SORCS2: variants seen among roughly 807,000 people sequenced by gnomAD.
SORCS2 encodes the protein sortilin related VPS10 domain containing receptor 2.
Under a neutral mutation model 141.6 loss-of-function variants are expected in SORCS2, and 100 were observed. That is an observed-to-expected ratio of 0.71 (90% CI 0.60 to 0.83). The LOEUF (loss-of-function observed/expected upper bound fraction) is 0.83, where lower values mean the gene tolerates loss of function less well. Among genes scored for constraint, SORCS2 ranks in the 40% least tolerant of loss-of-function variants. The pLI, the probability that SORCS2 is intolerant of heterozygous loss-of-function variation, is 0.00. For missense variants in SORCS2, 1,646 were observed against 1,560.2 expected (o/e 1.05, Z -0.93); for synonymous variants, 789 against 676.9 (o/e 1.17, Z -2.57).
At chr4:7,486,654 G>A (rs189011372) in intron 2 of SORCS2, among the ~76,000 whole-genome samples, 4 of 152,294 alleles carry the variant, frequency 2.6e-5, no homozygotes, top group East Asian at 3.9e-4. Context: ...CCTGGAAGTC[G>A]GAAATCACGG....
chr4:7,240,478 G>A (rs572990794), intron 1 of SORCS2, among the ~76,000 whole-genome samples: 114 of 152,304 alleles, frequency 7.5e-4, no homozygotes, highest in African/African-American at 2.5e-3. Context: ...CTGGAGTGAT[G>A]ATAATTAGAA....
At chr4:7,459,093 C>A (rs906352430) in intron 2 of SORCS2, among the ~76,000 whole-genome samples, 1 of 122,988 alleles carries the variant, frequency 8.1e-6, no homozygotes, top group African/African-American at 2.6e-5. Context: ...GGGGCACACT[C>A]TTCTGTGTGC....
At chr4:7,513,038 A>AT (rs1187894310) in intron 2 of SORCS2, among the ~76,000 whole-genome samples, 2 of 152,102 alleles carry the variant, frequency 1.3e-5, no homozygotes, top group Non-Finnish European at 2.9e-5. Context: ...GACCATAACC[A>AT]CTGCCTTCTC....
At chr4:7,646,821 C>T (rs531900602) in intron 4 of SORCS2, among the ~76,000 whole-genome samples, 92 of 152,168 alleles carry the variant, frequency 6.0e-4, no homozygotes, top group Non-Finnish European at 9.7e-4. Flanking sequence ...TACGTTGTTA[C>T]GGAAGCCCAC....
intron 2 of SORCS2, among the ~76,000 whole-genome samples, chr4:7,397,540 T>G (rs1724293245): frequency 6.6e-6 from 1 of 152,160 alleles, no homozygotes; most frequent in Non-Finnish European, 1.5e-5. Flanking sequence ...GGGTGAGTGA[T>G]GGGTCGTATC....
At chr4:7,518,137 C>T (rs1733103364) in intron 2 of SORCS2, among the ~76,000 whole-genome samples, 1 of 152,302 alleles carries the variant, frequency 6.6e-6, no homozygotes, top group South Asian at 2.1e-4. Flanking sequence ...TTTTCTTCTT[C>T]TTAGCGTTGT....
At chr4:7,724,771 G>A (rs1292044821) in intron 19 of SORCS2, among the ~76,000 whole-genome samples, 6 of 105,686 alleles carry the variant, frequency 5.7e-5, no homozygotes, top group African/African-American at 2.0e-4. Flanking sequence ...TGGTGATGAT[G>A]GTGGTGATGG....
At chr4:7,434,710 G>T (rs749649439) in intron 2 of SORCS2, 13 of 1,612,908 alleles carry the variant, frequency 8.1e-6, no homozygotes, top group African/African-American at 2.7e-5. Context: ...CTTCGCGGTG[G>T]GTTTGTTCCA....
intron 6 of SORCS2, 87 bp downstream of exon 6, chr4:7,661,651 T>C: frequency 3.2e-6 from 4 of 1,260,080 alleles, no homozygotes; most frequent in Non-Finnish European, 4.5e-6. Context: ...CAGTCGCTTG[T>C]CCGCAATGGC....
intron 1 of SORCS2, among the ~76,000 whole-genome samples, chr4:7,271,567 C>T (rs1360374319): frequency 6.6e-6 from 1 of 152,244 alleles, no homozygotes; most frequent in Admixed American, 6.5e-5. Context: ...ACGTTTCTTT[C>T]CAATGGCATT....
chr4:7,491,352 C>T (rs1731304152), intron 2 of SORCS2, among the ~76,000 whole-genome samples: 1 of 152,236 alleles, frequency 6.6e-6, no homozygotes, highest in East Asian at 1.9e-4. Context: ...GCACCCCACC[C>T]CTACTCCTGC....
chr4:7,337,996 C>A lies in SORCS2; in HGVS notation c.481-58292C>A, dbSNP rs538796259. ...CACAGATGCCCTAACCCTACTGTTG[C>A]ATCCCCATCACCTGGGCATTGCGTA... On this transcript the variant is annotated intron_variant, in intron 1 of 26. Transcript: ENST00000507866. 2.2e-4 allele frequency among the ~76,000 whole-genome samples: 33 copies of A among 152,352 alleles called. No homozygotes were observed. In the South Asian group the frequency reaches 6.6e-3, roughly 31 times the overall value.
In SORCS2 at chr4:7,654,209, T is replaced by G. The variant is rs368899936; in HGVS notation, c.887+2T>G. 6.4e-7 allele frequency: 1 copy of G among 1,571,014 alleles called. No individual in the cohort carries two copies. Among genetic ancestry groups the G allele is most frequent in the Non-Finnish European group, 8.6e-7 (1 of 1,156,672 alleles). ...AGTGACCAAAGACCACGTGTTCTGG[T>G]GAGAGCACTTCCCCACCCCAAACCC... is the stretch of plus-strand genomic sequence containing the variant. On this transcript the variant is annotated splice_donor_variant, in intron 5 of 26. Coordinates refer to ENST00000507866, the MANE Select transcript of SORCS2 (RefSeq NM_020777.3). LOFTEE classifies it high-confidence loss of function.
At chr4:7,714,493 C>T (rs1577108436) in intron 16 of SORCS2, 120 bp downstream of exon 16, 1 of 1,086,878 alleles carries the variant, frequency 9.2e-7, no homozygotes, top group East Asian at 2.6e-5. Flanking sequence ...CCTGGTGTCA[C>T]AGTCGCACAC....
intron 1 of SORCS2, among the ~76,000 whole-genome samples, chr4:7,278,501 C>T (rs917551037): frequency 6.6e-6 from 1 of 152,222 alleles, no homozygotes; most frequent in Non-Finnish European, 1.5e-5. Flanking sequence ...TTAGCCCTCC[C>T]TTTCCCACAG....
In SORCS2 at chr4:7,537,935, A is replaced by G. The variant is rs556327201; in HGVS notation, c.648+6306A>G. On this transcript the variant is annotated intron_variant, in intron 3 of 26. Coordinates refer to ENST00000507866, the MANE Select transcript of SORCS2 (RefSeq NM_020777.3). ...CAAGAGGTTGAGCCTGCCGTGATCT[A>G]TGATCCCACCACTACACTCCAGGTT... Among the ~76,000 whole-genome samples, 7 of 152,296 alleles carry G rather than the reference A, an allele frequency of 4.6e-5. No homozygotes were observed. The East Asian group carries it at 5.8e-4, about 13-fold the overall frequency.
chr4:7,681,504 G>C (rs1723522224), intron 9 of SORCS2, among the ~76,000 whole-genome samples: 1 of 152,206 alleles, frequency 6.6e-6, no homozygotes, highest in South Asian at 2.1e-4. Flanking sequence ...GGAAAGGGAA[G>C]CTCCTCTGGA....
chr4:7,705,086 GC>G (rs1725338398), intron 14 of SORCS2, among the ~76,000 whole-genome samples: 1 of 152,198 alleles, frequency 6.6e-6, no homozygotes, highest in African/African-American at 2.4e-5. Flanking sequence ...ATGTAATTAA[GC>G]CAAGATGAGG....
intron 2 of SORCS2, among the ~76,000 whole-genome samples, chr4:7,507,167 C>A (rs889008856): frequency 3.2e-5 from 3 of 94,234 alleles, no homozygotes; most frequent in Non-Finnish European, 6.1e-5. Context: ...TGGATAAATT[C>A]TTTTTTATTA....
Sources: allele counts gnomAD v4.1 joint callset (sites outside exome capture counted in the v4.1 genomes callset), GRCh38; gene constraint gnomAD v4.1.1; transcripts MANE v1.5; gene names NCBI Gene and HGNC (gene_info 2026-07-23, HGNC 2026-07-21).